Variants in USH2A observed in about 807,000 individuals in gnomAD.
USH2A encodes the protein Usher syndrome 2A (autosomal recessive, mild).
In USH2A, 443 loss-of-function variants were observed where a neutral mutation model predicts 538.9. The ratio of observed to expected loss-of-function variants is 0.82; its 90% CI spans 0.76 to 0.89. The LOEUF is 0.89. Among genes scored for constraint, USH2A ranks in the 40% least tolerant of loss-of-function variants. The pLI is 0.00. For missense variants in USH2A, 6,633 were observed against 6,324.8 expected, an observed-to-expected ratio of 1.05 and a Z score of -1.65; for synonymous variants, 2,413 against 2,273.5, an observed-to-expected ratio of 1.06 and a Z score of -1.75.
intron 64 of USH2A, among the ~76,000 whole-genome samples, chr1:215,669,979 A>C (rs1404147456): frequency 6.6e-6 from 1 of 152,214 alleles, no homozygotes; most frequent in Non-Finnish European, 1.5e-5. Flanking sequence ...CCTGGCACTT[A>C]AGTGCTTACA....
intron 44 of USH2A, among the ~76,000 whole-genome samples, chr1:215,857,063 G>A (rs1664190529): frequency 6.6e-6 from 1 of 152,090 alleles, no homozygotes; most frequent in Admixed American, 6.6e-5. Flanking sequence ...TGGGCACTCG[G>A]GGGAGTGGGT....
At chr1:215,750,039 T>C (rs1218706160) in intron 58 of USH2A, among the ~76,000 whole-genome samples, 1 of 152,178 alleles carries the variant, frequency 6.6e-6, no homozygotes, top group Non-Finnish European at 1.5e-5. Flanking sequence ...ATGGGACAAG[T>C]CAATCAATAA....
At chr1:215,761,159 A>T (rs1660970119) in intron 56 of USH2A, among the ~76,000 whole-genome samples, 1 of 152,176 alleles carries the variant, frequency 6.6e-6, no homozygotes, top group Non-Finnish European at 1.5e-5. Flanking sequence ...TTGGCCTGGA[A>T]CACCTTTGTT....
chr1:216,160,436 G>T (rs937371035), intron 21 of USH2A, among the ~76,000 whole-genome samples: 1 of 151,996 alleles, frequency 6.6e-6, no homozygotes, highest in African/African-American at 2.4e-5. Flanking sequence ...TAGATTTGGA[G>T]TTCTAGTTTA....
At chr1:215,774,008 C>T (rs1661380706) in intron 55 of USH2A, among the ~76,000 whole-genome samples, 1 of 152,122 alleles carries the variant, frequency 6.6e-6, no homozygotes, top group South Asian at 2.1e-4. Context: ...TGGATGGTAT[C>T]ATTCTTCACA....
At chr1:216,179,475 T>A (rs112486488) in intron 20 of USH2A, among the ~76,000 whole-genome samples, 1,597 of 152,188 alleles carry the variant, frequency 0.01, 32 homozygotes, top group African/African-American at 0.037. Context: ...TGAGAATGAA[T>A]AGAACTAGAG....
At chr1:216,353,064 T>C (rs7518493) in intron 4 of USH2A, among the ~76,000 whole-genome samples, 1 of 151,894 alleles carries the variant, frequency 6.6e-6, no homozygotes, top group Non-Finnish European at 1.5e-5. Flanking sequence ...GCCAAGATCA[T>C]AGTAGAAGTG....
chr1:215,718,307 C>T (rs954151771), intron 61 of USH2A, among the ~76,000 whole-genome samples: 6 of 152,058 alleles, frequency 3.9e-5, no homozygotes, highest in African/African-American at 9.7e-5. Flanking sequence ...TTTCACTGTT[C>T]GGCATAATTA....
chr1:215,735,763 G>A (rs1175226447), intron 60 of USH2A, among the ~76,000 whole-genome samples: 7 of 152,056 alleles, frequency 4.6e-5, no homozygotes, highest in Admixed American at 1.3e-4. Context: ...CAGGCATACT[G>A]TTATGCAAGC....
chr1:216,124,866 TGTTG>T (rs1463242661), intron 21 of USH2A, among the ~76,000 whole-genome samples: 2 of 152,238 alleles, frequency 1.3e-5, no homozygotes, highest in African/African-American at 4.8e-5. Flanking sequence ...TTCATGTCTC[TGTTG>T]TGAGACTGTG....
chr1:216,140,750 C>T (rs544190048), intron 21 of USH2A, among the ~76,000 whole-genome samples: 1 of 152,152 alleles, frequency 6.6e-6, no homozygotes, highest in African/African-American at 2.4e-5. Context: ...AAAACAGGTA[C>T]ATTTTCTCTT....
chr1:215,779,949 A>T lies in USH2A; in HGVS notation c.10833T>A (p.Ser3611Arg). 6.2e-7 allele frequency: 1 copy of T among 1,613,714 alleles called. No homozygotes were observed. The highest frequency in any genetic ancestry group is 8.5e-7 in the Non-Finnish European group (1 of 1,179,948). The change falls in exon 55 of 72, where the codon AGT becomes AGA. Residue 3611 changes from serine (S) to arginine (R), a missense_variant. Physicochemically the swap from Ser to Arg is moderately radical, Grantham distance 110 (BLOSUM62 -1). Transcript: ENST00000307340. ...TGACGCCGTTTGATTTCTCAGGGAC[A>T]CTCCAGCTCAGATGCAGAGCCACTG... Reference protein sequence around the residue: ...LSAVALHLSWSVPEKSNGVIK... With the variant: ...LSAVALHLSWRVPEKSNGVIK...
intron 44 of USH2A, among the ~76,000 whole-genome samples, chr1:215,850,657 A>G (rs1250465361): frequency 6.6e-6 from 1 of 152,192 alleles, no homozygotes; most frequent in East Asian, 1.9e-4. Context: ...GTCAACAAAG[A>G]AACAATGGAC....
intron 14 of USH2A, among the ~76,000 whole-genome samples, chr1:216,223,534 T>C (rs1375625873): frequency 6.6e-6 from 1 of 152,138 alleles, no homozygotes; most frequent in East Asian, 1.9e-4. Context: ...GCCAGTAGAA[T>C]AAGGTAAAAG....
At chr1:216,161,566 C>T (rs2034060347) in intron 21 of USH2A, among the ~76,000 whole-genome samples, 2 of 151,928 alleles carry the variant, frequency 1.3e-5, no homozygotes, top group Admixed American at 1.3e-4. Context: ...TGCCTTTTAT[C>T]ATAAATATTA....
At chr1:215,853,829 C>T (rs1483821619) in intron 44 of USH2A, among the ~76,000 whole-genome samples, 1 of 152,158 alleles carries the variant, frequency 6.6e-6, no homozygotes, top group Non-Finnish European at 1.5e-5. Flanking sequence ...CATCTGAGAC[C>T]ACCTCAGACT....
At chr1:216,097,259 G>C in intron 21 of USH2A, 46 bp from the exon 22 acceptor site, 1 of 1,613,406 alleles carries the variant, frequency 6.2e-7, no homozygotes, top group Non-Finnish European at 8.5e-7. Flanking sequence ...GGGTTTTGTT[G>C]ATTCTTTCTG....
At chr1:216,236,523 GA>G (rs2102529371) in intron 13 of USH2A, among the ~76,000 whole-genome samples, 1 of 152,270 alleles carries the variant, frequency 6.6e-6, no homozygotes, top group East Asian at 1.9e-4. Flanking sequence ...ACAGATGTAT[GA>G]ATGAAATGGA....
chr1:216,193,971 G>T (rs953102082), intron 19 of USH2A: 1 of 152,190 alleles, frequency 6.6e-6, no homozygotes, highest in African/African-American at 2.4e-5. Context: ...AATCCGCTGA[G>T]GCTGCTTCCA....
Sources: gnomAD v4.1 joint callset for allele counts (sites outside exome capture counted in the v4.1 genomes callset) on GRCh38, gnomAD v4.1.1 for gene constraint, MANE v1.5 for transcripts, NCBI Gene and HGNC (gene_info 2026-07-23, HGNC 2026-07-21) for gene names.